Variants in SPIN3 observed in about 807,000 individuals in gnomAD.
The protein encoded by SPIN3 is spindlin family member 3.
For missense variants in SPIN3, 176 were observed against 196.4 expected (o/e 0.90, Z 0.62); for synonymous variants, 74 against 74.3 (o/e 1.00, Z 0.02).
chrX:56,994,974 G>C (rs748925748), intron 1 of SPIN3, 25 bp from the exon 2 acceptor site: 2 of 1,141,821 alleles, frequency 1.8e-6, no homozygotes, highest in South Asian at 4.2e-5. Flanking sequence ...ACAGTTGCCA[G>C]GTGGACCGAG....
At chrX:56,987,947 T>G (rs894036576), downstream of SPIN3, among the ~76,000 whole-genome samples, 2 of 112,087 alleles carry the variant, frequency 1.8e-5, no homozygotes, top group African/African-American at 6.5e-5. Context: ...ATTAAGCATC[T>G]GTGCTGCACT....
downstream of SPIN3, among the ~76,000 whole-genome samples, chrX:56,989,510 TC>T (rs1405488531): frequency 9.0e-6 from 1 of 110,932 alleles, no homozygotes; most frequent in Non-Finnish European, 1.9e-5. Flanking sequence ...AGTGCAGGGG[TC>T]CCCAACCCCT....
At position 56,994,597 on chromosome X, in the gene SPIN3, AGAT is replaced by A. The variant is rs1188613563; in HGVS notation, c.348_350del (p.Ser117del). The stretch of plus-strand genomic sequence containing the variant: ...CTGCCAAGTGTGTATCACTGATTCT[AGAT>A]GATGCAACTCTATTAGGAAGGACTT... On this transcript the variant is annotated inframe_deletion, in exon 2 of 2. Coordinates refer to ENST00000374919, the MANE Select transcript of SPIN3 (RefSeq NM_001010862.3). The A allele has an allele frequency of 8.3e-7, 1 of 1,211,614 alleles. No homozygotes were observed. Among genetic ancestry groups the A allele is most frequent in the Admixed American group, 2.2e-5 (1 of 46,049 alleles).
intron 3 of SPIN3, chrX:56,979,563 T>A (rs1015098866): frequency 2.7e-5 from 3 of 112,333 alleles, no homozygotes; most frequent in Admixed American, 9.4e-5. Context: ...CTGCAAAATA[T>A]AACTGAATAT....
chrX:56,992,597 T>C lies in SPIN3; in HGVS notation c.*1574A>G. ...TGTGAACTTAAACTAATTTGGAAGA[T>C]ATCTTGCAGTACAGTCCCAATATGA... On this transcript the variant is annotated 3_prime_UTR_variant, in exon 2 of 2. Transcript: ENST00000374919. The C allele has an allele frequency of 3.4e-6, 1 of 296,993 alleles. No homozygotes were observed. The highest frequency in any genetic ancestry group is 5.9e-6 in the Non-Finnish European group (1 of 170,062). 24.5% of individuals were successfully genotyped at this position (296,993 alleles called of 1,213,427 possible). A position where few individuals can be genotyped will look rare whatever the true frequency, so the allele number is the denominator to read the frequency against.
chrX:56,981,784 G>A (rs1475014197), intron 3 of SPIN3: 2 of 111,743 alleles, frequency 1.8e-5, no homozygotes, highest in African/African-American at 6.5e-5. Context: ...CTTCACAAGC[G>A]TATCTTTGCT....
In SPIN3 at chrX:56,994,610, C is replaced by T. The variant is rs756406135; in HGVS notation, c.338G>A (p.Arg113Lys). The change falls in exon 2 of 2, where the codon AGA becomes AAA. Residue 113 changes from arginine (R) to lysine (K), a missense_variant. Coordinates refer to ENST00000374919, the MANE Select transcript of SPIN3 (RefSeq NM_001010862.3). ...RVSSLEVLPN[R>K]VASSRISDTH... ...ATCACTGATTCTAGATGATGCAACTCTATTAGGAAGGACTTCAAGTGATGA... is the reference window on the plus strand; with the variant it reads ...ATCACTGATTCTAGATGATGCAACTTTATTAGGAAGGACTTCAAGTGATGA... 5 of 1,211,678 alleles carry T rather than the reference C, an allele frequency of 4.1e-6. No homozygotes were observed. The highest frequency in any genetic ancestry group is 5.6e-6 in the Non-Finnish European group (5 of 895,495).
chrX:56,986,757 G>GT (rs1924229638), downstream of SPIN3, among the ~76,000 whole-genome samples: 1 of 112,519 alleles, frequency 8.9e-6, no homozygotes, highest in African/African-American at 3.2e-5. Context: ...TAGATTTGGG[G>GT]TAGAGGAAGA....
At chrX:56,989,333 C>A (rs1360280425), downstream of SPIN3, among the ~76,000 whole-genome samples, 1 of 111,236 alleles carries the variant, frequency 9.0e-6, no homozygotes, top group East Asian at 2.8e-4. Flanking sequence ...TACATGTGGG[C>A]ATTCTTTGAA....
At position 56,992,404 on chromosome X, in the gene SPIN3, A is replaced by G; in HGVS notation, c.*1767T>C. 3.4e-6 allele frequency: 1 copy of G among 297,465 alleles called. No homozygotes were observed. The highest frequency in any genetic ancestry group is 5.9e-6 in the Non-Finnish European group (1 of 170,316). The allele number at this position is 297,465 out of a possible 1,213,427, so 24.5% of individuals were successfully genotyped here. ...TATATGACCCCAGGACTTAGAACAT[A>G]GGGCAATACAGACCCACATTGCTGT... On this transcript the variant is annotated 3_prime_UTR_variant, in exon 2 of 2. Coordinates refer to ENST00000374919, the MANE Select transcript of SPIN3 (RefSeq NM_001010862.3).
chrX:56,987,410 C>A (rs1473123778), downstream of SPIN3, among the ~76,000 whole-genome samples: 2 of 110,927 alleles, frequency 1.8e-5, no homozygotes, highest in African/African-American at 6.6e-5. Flanking sequence ...TCCACTCAGG[C>A]CTTCCTCTGA....
chrX:56,990,490 C>A (rs1394738985), downstream of SPIN3, among the ~76,000 whole-genome samples: 1 of 111,662 alleles, frequency 9.0e-6, no homozygotes, highest in East Asian at 2.8e-4. Context: ...GATGTGAGTG[C>A]AAGTTTAAAC....
Position 56,992,774 on chromosome X carries a change from T to A in SPIN3, c.*1397A>T. ...AAAAACCATGCTTGTACTTCAACTT[T>A]TCTTTCCTAGGCTTTGGTTAACCTC... On this transcript the variant is annotated 3_prime_UTR_variant, in exon 2 of 2. Coordinates refer to ENST00000374919, the MANE Select transcript of SPIN3 (RefSeq NM_001010862.3). The A allele has an allele frequency of 3.6e-6, 1 of 274,546 alleles. No homozygotes were observed. The highest frequency in any genetic ancestry group is 6.4e-6 in the Non-Finnish European group (1 of 155,925). 22.6% of individuals were successfully genotyped at this position (274,546 alleles called of 1,213,427 possible). A position where few individuals can be genotyped will look rare whatever the true frequency, so the allele number is the denominator to read the frequency against.
chrX:56,990,279 A>C (rs1924301801), downstream of SPIN3, among the ~76,000 whole-genome samples: 1 of 111,625 alleles, frequency 9.0e-6, no homozygotes, highest in African/African-American at 3.3e-5. Flanking sequence ...GAAAATCCTA[A>C]AGAATCATAA....
At position 56,994,752 on chromosome X, in the gene SPIN3, T is replaced by A. The variant is rs1286613469; in HGVS notation, c.196A>T (p.Thr66Ser). ...TCCAGAACGGTTCCTTTCCACTGTG[T>A]TAGAGGTTCATCTCCATCTTTCCAT... ...HGWKDGDEPL[T>S]QWKGTVLDQV... The change falls in exon 2 of 2, where the codon ACA (threonine) becomes TCA (serine). Residue 66 changes from threonine to serine, a missense_variant. Transcript: ENST00000374919. The A allele has an allele frequency of 5.8e-6, 7 of 1,210,064 alleles. No homozygotes were observed. The highest frequency in any genetic ancestry group is 2.2e-6 in the Non-Finnish European group (2 of 895,230).
chrX:56,978,564 T>C (rs1433727969), intron 4 of SPIN3: 1 of 111,336 alleles, frequency 9.0e-6, no homozygotes, highest in East Asian at 2.8e-4. Context: ...TTCAGTAAAA[T>C]CTTGTAAACG....
downstream of SPIN3, among the ~76,000 whole-genome samples, chrX:56,986,843 T>C (rs1924231166): frequency 8.9e-6 from 1 of 112,110 alleles, no homozygotes; most frequent in African/African-American, 3.2e-5. Context: ...TAGAAAAACA[T>C]ATTTAAGGCC....
In SPIN3 at chrX:56,991,227, T is replaced by C. The variant is rs763712318; in HGVS notation, c.*2944A>G. The C allele has an allele frequency of 4.5e-5, 5 of 112,135 alleles. No individual in the cohort carries two copies. The highest frequency in any genetic ancestry group is 3.7e-4 in the South Asian group (1 of 2,677). 9.2% of individuals were successfully genotyped at this position (112,135 alleles called of 1,213,427 possible). A position where few individuals can be genotyped will look rare whatever the true frequency, so the allele number is the denominator to read the frequency against. Reference sequence around the variant, plus strand: ...GCTGATAGAGCTGGATTGGAGAACATGGCTTGGACCTGAGGCTGAAATGAA... The same window carrying C: ...GCTGATAGAGCTGGATTGGAGAACACGGCTTGGACCTGAGGCTGAAATGAA... On this transcript the variant is annotated 3_prime_UTR_variant, in exon 2 of 2. Coordinates refer to ENST00000374919, the MANE Select transcript of SPIN3 (RefSeq NM_001010862.3).
intron 2 of SPIN3, among the ~76,000 whole-genome samples, chrX:56,985,759 T>G (rs1222058313): frequency 1.8e-5 from 2 of 111,853 alleles, no homozygotes; most frequent in Non-Finnish European, 3.8e-5. Flanking sequence ...CTCTCTGACT[T>G]CTCTTATGTC....
Sources: gnomAD v4.1 joint callset for allele counts (sites outside exome capture counted in the v4.1 genomes callset) on GRCh38, gnomAD v4.1.1 for gene constraint, MANE v1.5 for transcripts, NCBI Gene and HGNC (gene_info 2026-07-23, HGNC 2026-07-21) for gene names.